Variants in NELL1 observed in about 807,000 individuals in gnomAD.
The protein encoded by NELL1 is protein kinase C-binding protein NELL1.
In NELL1, 76 loss-of-function variants were observed where a neutral mutation model predicts 107.4. That is an observed-to-expected ratio of 0.71 (90% confidence interval 0.59 to 0.86). The LOEUF is 0.86. Ranked by LOEUF, NELL1 falls within the 40% of genes least tolerant of loss-of-function variation. NELL1 has a pLI of 0.00. For missense variants in NELL1, 1,024 were observed against 1,005.5 expected (o/e 1.02, Z -0.25); for synonymous variants, 353 against 341.2 (o/e 1.03, Z -0.38).
intron 14 of NELL1, among the ~76,000 whole-genome samples, chr11:21,266,293 G>A (rs1016897648): frequency 6.6e-6 from 1 of 151,768 alleles, no homozygotes; most frequent in African/African-American, 2.4e-5. Flanking sequence ...GTTCACTTGT[G>A]TGTTGCTTGT....
intron 13 of NELL1, among the ~76,000 whole-genome samples, chr11:21,158,917 T>C (rs939225977): frequency 6.6e-6 from 1 of 152,180 alleles, no homozygotes; most frequent in Non-Finnish European, 1.5e-5. Context: ...AGGAGTATTT[T>C]TGAGGAATTG....
intron 5 of NELL1, among the ~76,000 whole-genome samples, chr11:20,893,931 G>A (rs564892344): frequency 3.3e-4 from 50 of 150,340 alleles, no homozygotes; most frequent in African/African-American, 1.2e-3. Context: ...CAAACTGCAA[G>A]GCCAAAAAGG....
At chr11:20,718,757 C>G (rs201861789) in intron 2 of NELL1, among the ~76,000 whole-genome samples, 1 of 152,138 alleles carries the variant, frequency 6.6e-6, no homozygotes, top group East Asian at 1.9e-4. Context: ...TAGAACTCAG[C>G]CCCAGTACGA....
chr11:21,297,915 G>A (rs761641077), intron 14 of NELL1, among the ~76,000 whole-genome samples: 1 of 151,948 alleles, frequency 6.6e-6, no homozygotes, highest in Non-Finnish European at 1.5e-5. Context: ...AGTAGAGAAA[G>A]AGAAAGAGAG....
At chr11:20,902,235 A>T (rs558693406) in intron 5 of NELL1, among the ~76,000 whole-genome samples, 3 of 152,220 alleles carry the variant, frequency 2.0e-5, no homozygotes, top group Admixed American at 6.5e-5. Flanking sequence ...TAGCAAAAAA[A>T]AAGTATTCAT....
chr11:20,783,902 G>C (rs1856902178), intron 3 of NELL1, 72 bp downstream of exon 3: 1 of 1,416,862 alleles, frequency 7.1e-7, no homozygotes, highest in Non-Finnish European at 9.4e-7. Flanking sequence ...TTGGGATTTA[G>C]AGTTTGTAGC....
intron 15 of NELL1, among the ~76,000 whole-genome samples, chr11:21,419,671 C>A (rs1451858854): frequency 1.3e-5 from 2 of 152,134 alleles, no homozygotes; most frequent in African/African-American, 4.8e-5. Flanking sequence ...AAAATATAAT[C>A]TTTCCCAACC....
At chr11:21,423,360 C>T (rs1331221090) in intron 15 of NELL1, among the ~76,000 whole-genome samples, 2 of 151,026 alleles carry the variant, frequency 1.3e-5, no homozygotes, top group Non-Finnish European at 2.9e-5. Flanking sequence ...CAGAGAGAGA[C>T]TTCATAAAAA....
intron 15 of NELL1, among the ~76,000 whole-genome samples, chr11:21,376,368 C>T (rs1233243015): frequency 1.3e-5 from 2 of 151,916 alleles, no homozygotes; most frequent in Non-Finnish European, 2.9e-5. Flanking sequence ...GGGTGTGCAG[C>T]TTTATTTCTG....
chr11:21,332,057 T>C (rs1286572489), intron 14 of NELL1, among the ~76,000 whole-genome samples: 1 of 152,034 alleles, frequency 6.6e-6, no homozygotes, highest in Non-Finnish European at 1.5e-5. Flanking sequence ...CTATAGATGG[T>C]CTTTCTGAGG....
intron 15 of NELL1, among the ~76,000 whole-genome samples, chr11:21,500,277 A>G (rs1855101142): frequency 1.3e-5 from 2 of 152,038 alleles, no homozygotes; most frequent in Non-Finnish European, 2.9e-5. Context: ...TAGGAATTTC[A>G]TCTGTCATGA....
chr11:20,837,998 AC>A (rs1455956022), intron 3 of NELL1, among the ~76,000 whole-genome samples: 3 of 151,938 alleles, frequency 2.0e-5, no homozygotes, highest in African/African-American at 7.2e-5. Flanking sequence ...ACAGTATAAA[AC>A]TGGTAGGGGG....
At chr11:21,378,263 A>G (rs966399059) in intron 15 of NELL1, among the ~76,000 whole-genome samples, 3 of 69,126 alleles carry the variant, frequency 4.3e-5, no homozygotes, top group Admixed American at 1.5e-4. Flanking sequence ...ATGCATATAT[A>G]TGTATATATA....
intron 12 of NELL1, among the ~76,000 whole-genome samples, chr11:21,035,411 A>G (rs1231648752): frequency 1.3e-5 from 2 of 151,938 alleles, no homozygotes; most frequent in African/African-American, 4.8e-5. Flanking sequence ...CCTGGTAGAG[A>G]CACAACAAAA....
At chr11:21,498,132 C>T (rs1424772164) in intron 15 of NELL1, among the ~76,000 whole-genome samples, 2 of 151,642 alleles carry the variant, frequency 1.3e-5, no homozygotes, top group African/African-American at 4.8e-5. Flanking sequence ...CAATATTTCT[C>T]TACATTTGCA....
At chr11:20,909,894 G>A (rs1315707186) in intron 5 of NELL1, among the ~76,000 whole-genome samples, 1 of 151,994 alleles carries the variant, frequency 6.6e-6, no homozygotes, top group Non-Finnish European at 1.5e-5. Flanking sequence ...TATTTTCCTG[G>A]AGCACCCTCT....
chr11:21,283,378 G>A (rs1465397801), intron 14 of NELL1, among the ~76,000 whole-genome samples: 2 of 152,136 alleles, frequency 1.3e-5, no homozygotes, highest in African/African-American at 2.4e-5. Flanking sequence ...GCACTCTCGT[G>A]TGGGATTTTG....
chr11:21,477,853 TAA>T (rs1342130990), intron 15 of NELL1, among the ~76,000 whole-genome samples: 5 of 148,290 alleles, frequency 3.4e-5, no homozygotes, highest in South Asian at 2.1e-4. Context: ...AAAATTATAA[TAA>T]AGTTATTTAT....
At chr11:21,047,346 A>T (rs1853381443) in intron 12 of NELL1, among the ~76,000 whole-genome samples, 1 of 152,098 alleles carries the variant, frequency 6.6e-6, no homozygotes, top group Non-Finnish European at 1.5e-5. Flanking sequence ...TTATAATTTA[A>T]TGGAAATACT....
Sources: allele counts gnomAD v4.1 joint callset (sites outside exome capture counted in the v4.1 genomes callset), GRCh38; gene constraint gnomAD v4.1.1; transcripts MANE v1.5; gene names NCBI Gene and HGNC (gene_info 2026-07-23, HGNC 2026-07-21).